GSK3B: variants seen among roughly 807,000 people sequenced by gnomAD.
GSK3B encodes the protein glycogen synthase kinase-3 beta.
In GSK3B, 15 loss-of-function variants were observed where a neutral mutation model predicts 56.4. The ratio of observed to expected loss-of-function variants is 0.27; its 90% confidence interval spans 0.18 to 0.41. The LOEUF (loss-of-function observed/expected upper bound fraction) is 0.41. GSK3B is among the 10% of genes least tolerant of loss of function. The pLI, the probability that GSK3B is intolerant of heterozygous loss-of-function variation, is 1.00. For synonymous variants in GSK3B, 181 were observed against 188.9 expected (o/e 0.96, Z 0.34); for missense variants, 300 against 513.4 (o/e 0.58, Z 4.02).
chr3:120,044,583 C>T (rs2058088200), intron 1 of GSK3B, among the ~76,000 whole-genome samples: 1 of 152,108 alleles, frequency 6.6e-6, no homozygotes, highest in East Asian at 1.9e-4. Flanking sequence ...ACAGGGAGTA[C>T]CTGATAAATT....
At chr3:119,869,243 A>AAAAAC (rs1261823996) in intron 8 of GSK3B, among the ~76,000 whole-genome samples, 10 of 151,070 alleles carry the variant, frequency 6.6e-5, no homozygotes, top group African/African-American at 1.9e-4. Flanking sequence ...AAAAAAAAAA[A>AAAAAC]AAACATATAT....
intron 10 of GSK3B, chr3:119,833,059 C>T (rs1266932291): frequency 1.0e-5 from 8 of 771,416 alleles, no homozygotes; most frequent in Non-Finnish European, 1.1e-5. Context: ...GAAACTGCCC[C>T]ACCCAAATGT....
chr3:119,876,614 T>C lies in GSK3B; in HGVS notation c.814-106A>G, dbSNP rs190878300. On this transcript the variant is annotated intron_variant, in intron 7 of 10. Transcript: ENST00000264235. Reference sequence around the variant, plus strand: ...TGAAAAAAGGAATTCCCAAGTTAAATAAAATACGTAACTCATTAAATAGAG... The same window carrying C: ...TGAAAAAAGGAATTCCCAAGTTAAACAAAATACGTAACTCATTAAATAGAG... 41 of 672,440 alleles carry C rather than the reference T, an allele frequency of 6.1e-5. No homozygotes were observed. The Admixed American group carries it at 1.0e-3, about 16-fold the overall frequency. The allele number at this position is 672,440 out of a possible 1,614,324, so 41.7% of individuals were successfully genotyped here.
In GSK3B at chr3:119,970,761, C is replaced by T. The variant is rs1260988020; in HGVS notation, c.283-23410G>A. 4.0e-5 allele frequency among the ~76,000 whole-genome samples: 6 copies of T among 151,604 alleles called. No individual in the cohort carries two copies. In the South Asian group the frequency reaches 6.3e-4, roughly 16 times the overall value. On this transcript the variant is annotated intron_variant, in intron 2 of 10. Transcript: ENST00000264235. ...GAGATCGCGCCACTGCACTCCAGCC[C>T]GGGCGACAGTGTGAGACTCCGTTTC... is the stretch of plus-strand genomic sequence containing the variant.
chr3:120,087,938 G>A (rs2058479165), intron 1 of GSK3B, among the ~76,000 whole-genome samples: 2 of 152,042 alleles, frequency 1.3e-5, no homozygotes, highest in South Asian at 4.1e-4. Flanking sequence ...TGTCGCCCAG[G>A]CTGGAGTGCA....
chr3:119,844,172 C>T (rs1361335530), intron 9 of GSK3B, among the ~76,000 whole-genome samples: 2 of 152,062 alleles, frequency 1.3e-5, no homozygotes, highest in African/African-American at 4.8e-5. Context: ...ACAGCTAAAG[C>T]AGTGTTTAAA....
intron 1 of GSK3B, among the ~76,000 whole-genome samples, chr3:120,061,702 T>C (rs17810676): frequency 0.52 from 79,849 of 152,102 alleles, 24,221 homozygotes; most frequent in African/African-American, 0.85. Context: ...TTCCAAACTG[T>C]CCTCCAGAAA....
chr3:119,937,272 T>C (rs999750595), intron 3 of GSK3B, among the ~76,000 whole-genome samples: 2 of 152,072 alleles, frequency 1.3e-5, no homozygotes, highest in Admixed American at 6.5e-5. Context: ...CAGAGGTGGA[T>C]CCCTCATGAA....
At chr3:119,913,734 G>T (rs907288113) in intron 5 of GSK3B, among the ~76,000 whole-genome samples, 3 of 151,392 alleles carry the variant, frequency 2.0e-5, no homozygotes, top group Admixed American at 2.0e-4. Flanking sequence ...TTCAATGACT[G>T]GGATTTCTTT....
chr3:119,878,634 A>G (rs1164915186), intron 7 of GSK3B, among the ~76,000 whole-genome samples: 1 of 152,202 alleles, frequency 6.6e-6, no homozygotes, highest in Non-Finnish European at 1.5e-5. Context: ...ATGAATGCAC[A>G]TGTTCATACA....
intron 1 of GSK3B, among the ~76,000 whole-genome samples, chr3:120,068,600 T>C (rs2107561275): frequency 6.6e-6 from 1 of 150,828 alleles, no homozygotes; most frequent in Admixed American, 6.6e-5. Context: ...CTCGGGAGGC[T>C]GAGGCAGAAG....
At chr3:120,063,404 G>A (rs1338712163) in intron 1 of GSK3B, among the ~76,000 whole-genome samples, 4 of 152,060 alleles carry the variant, frequency 2.6e-5, no homozygotes, top group African/African-American at 9.7e-5. Flanking sequence ...ATACCCTAAT[G>A]TCCATCAATA....
intron 10 of GSK3B, among the ~76,000 whole-genome samples, chr3:119,842,563 A>G (rs2055788811): frequency 6.6e-6 from 1 of 152,180 alleles, no homozygotes; most frequent in Non-Finnish European, 1.5e-5. Flanking sequence ...AGCTATAAAC[A>G]TCTCATTTGA....
intron 3 of GSK3B, among the ~76,000 whole-genome samples, chr3:119,942,465 A>G (rs1362289618): frequency 2.0e-5 from 3 of 151,830 alleles, no homozygotes; most frequent in African/African-American, 7.3e-5. Context: ...CACCCAGATA[A>G]TTTTTTGTAT....
chr3:120,045,100 C>A (rs1048260989), intron 1 of GSK3B, among the ~76,000 whole-genome samples: 6 of 152,190 alleles, frequency 3.9e-5, no homozygotes, highest in African/African-American at 1.2e-4. Context: ...ATAAAAACAG[C>A]ACTTACTAAA....
At chr3:120,043,578 T>G (rs1456606705) in intron 1 of GSK3B, among the ~76,000 whole-genome samples, 3 of 152,176 alleles carry the variant, frequency 2.0e-5, no homozygotes, top group Non-Finnish European at 4.4e-5. Context: ...AATTGAGAGA[T>G]ATGTTCCCAA....
intron 3 of GSK3B, among the ~76,000 whole-genome samples, chr3:119,946,790 A>C (rs935584267): frequency 2.0e-5 from 3 of 152,158 alleles, no homozygotes; most frequent in Non-Finnish European, 4.4e-5. Context: ...GCAATATTAC[A>C]TCTTTTCCAA....
At chr3:119,982,754 G>A (rs991328789) in intron 2 of GSK3B, among the ~76,000 whole-genome samples, 1 of 152,192 alleles carries the variant, frequency 6.6e-6, no homozygotes. Context: ...AAGTGATGGG[G>A]AGAAGGGAAC....
intron 2 of GSK3B, among the ~76,000 whole-genome samples, chr3:119,954,940 G>A (rs528239469): frequency 1.3e-5 from 2 of 152,230 alleles, no homozygotes; most frequent in South Asian, 4.1e-4. Flanking sequence ...TATTGTGGGT[G>A]TATGATGGGC....
Sources: allele counts gnomAD v4.1 joint callset (sites outside exome capture counted in the v4.1 genomes callset), GRCh38; gene constraint gnomAD v4.1.1; transcripts MANE v1.5; gene names NCBI Gene and HGNC (gene_info 2026-07-23, HGNC 2026-07-21).